Variants in TTC28 observed in about 807,000 individuals in gnomAD.
The protein encoded by TTC28 is tetratricopeptide repeat protein 28.
TTC28 carries 61 observed loss-of-function variants against 198.0 expected under a neutral mutation model. That is an observed-to-expected ratio of 0.31 (90% CI 0.25 to 0.38). The LOEUF is 0.38. Ranked by LOEUF, TTC28 falls within the 10% of genes least tolerant of loss-of-function variation. The pLI is 1.00. For missense variants in TTC28, 2,678 were observed against 3,164.0 expected, an observed-to-expected ratio of 0.85 and a Z score of 3.69; for synonymous variants, 1,171 against 1,297.8, an observed-to-expected ratio of 0.90 and a Z score of 2.10.
At chr22:28,371,918 T>TTTTATTATTATTATAC (rs1243180651) in intron 2 of TTC28, among the ~76,000 whole-genome samples, 1 of 151,356 alleles carries the variant, frequency 6.6e-6, no homozygotes, top group East Asian at 1.9e-4. Flanking sequence ...ATTTTTTTTA[T>TTTTATTATTATTATAC]TTTATTATTA....
intron 12 of TTC28, among the ~76,000 whole-genome samples, chr22:28,032,262 TATATAG>T (rs1569095052): frequency 4.3e-5 from 4 of 92,094 alleles, no homozygotes; most frequent in African/African-American, 2.0e-4. Flanking sequence ...TATATATATA[TATATAG>T]TGTGTGTGTG....
At chr22:28,484,407 C>T (rs2048291890) in intron 2 of TTC28, among the ~76,000 whole-genome samples, 1 of 152,144 alleles carries the variant, frequency 6.6e-6, no homozygotes, top group East Asian at 1.9e-4. Flanking sequence ...CCACCGCACC[C>T]AGCCCCCAAA....
At chr22:28,551,196 G>A (rs944116690) in intron 2 of TTC28, among the ~76,000 whole-genome samples, 3 of 151,974 alleles carry the variant, frequency 2.0e-5, no homozygotes, top group African/African-American at 4.8e-5. Flanking sequence ...ATAGAATCTC[G>A]GGACAGACCA....
intron 3 of TTC28, among the ~76,000 whole-genome samples, chr22:28,300,190 A>G (rs2044991360): frequency 6.6e-6 from 1 of 152,200 alleles, no homozygotes; most frequent in African/African-American, 2.4e-5. Context: ...CCCAGCTGCT[A>G]GGGAAAATGG....
chr22:27,988,596 G>A (rs1433499746), intron 21 of TTC28, among the ~76,000 whole-genome samples: 2 of 152,100 alleles, frequency 1.3e-5, no homozygotes, highest in Admixed American at 1.3e-4. Flanking sequence ...CAGGAAAGAA[G>A]CATTTTTAAG....
Position 27,995,250 on chromosome 22 carries a change from G to A in TTC28, c.5244+885C>T, listed in dbSNP as rs146883990. 9.9e-4 allele frequency among the ~76,000 whole-genome samples: 151 copies of A among 152,292 alleles called. 1 individual carries two copies. The highest frequency in any genetic ancestry group is 3.5e-3 in the African/African-American group (145 of 41,570). ...TCTTAACCATGGATGGAGCTAGGCT[G>A]TGCAGCAACCAGCCTGCAAGGAGGC... On this transcript the variant is annotated intron_variant, in intron 17 of 22. Coordinates refer to ENST00000397906, the MANE Select transcript of TTC28 (RefSeq NM_001145418.2).
chr22:28,262,440 T>A (rs1369326252), intron 5 of TTC28, among the ~76,000 whole-genome samples: 1 of 152,172 alleles, frequency 6.6e-6, no homozygotes, highest in African/African-American at 2.4e-5. Context: ...TAAAGTTACA[T>A]CTTTTAAAGC....
At chr22:28,237,617 T>C (rs1379740010) in intron 5 of TTC28, among the ~76,000 whole-genome samples, 1 of 152,236 alleles carries the variant, frequency 6.6e-6, no homozygotes, top group Non-Finnish European at 1.5e-5. Flanking sequence ...ACTGCTGTGT[T>C]ACCTAGTCAA....
intron 12 of TTC28, among the ~76,000 whole-genome samples, chr22:28,087,760 A>AC (rs1489249189): frequency 1.3e-5 from 2 of 152,008 alleles, no homozygotes; most frequent in African/African-American, 4.8e-5. Flanking sequence ...TATCTAGAAA[A>AC]CCCCACTGTC....
intron 9 of TTC28, among the ~76,000 whole-genome samples, chr22:28,099,942 T>G (rs906760984): frequency 2.0e-5 from 3 of 152,228 alleles, no homozygotes; most frequent in African/African-American, 7.2e-5. Flanking sequence ...CAAGGAGCCA[T>G]GCCCACTCAC....
intron 2 of TTC28, among the ~76,000 whole-genome samples, chr22:28,314,084 C>T (rs559922281): frequency 6.6e-6 from 1 of 152,012 alleles, no homozygotes. Context: ...AAACAGAGAG[C>T]CAAATCATGA....
intron 14 of TTC28, among the ~76,000 whole-genome samples, chr22:28,006,096 G>T (rs1254649237): frequency 6.6e-6 from 1 of 152,162 alleles, no homozygotes; most frequent in South Asian, 2.1e-4. Flanking sequence ...GGGGTCTGAG[G>T]GGAGGCCCTG....
chr22:28,324,754 C>G (rs1227596804), intron 2 of TTC28, among the ~76,000 whole-genome samples: 1 of 152,092 alleles, frequency 6.6e-6, no homozygotes. Flanking sequence ...ATAATAAGAG[C>G]TATTTATGAC....
At chr22:28,272,323 TC>T (rs1279017476) in intron 5 of TTC28, among the ~76,000 whole-genome samples, 2 of 152,196 alleles carry the variant, frequency 1.3e-5, no homozygotes, top group African/African-American at 4.8e-5. Flanking sequence ...GTTTATGACC[TC>T]GGGAAGTGAG....
intron 12 of TTC28, among the ~76,000 whole-genome samples, chr22:28,057,107 TAA>T: frequency 6.6e-6 from 1 of 152,212 alleles, no homozygotes; most frequent in Non-Finnish European, 1.5e-5. Flanking sequence ...GACATTTATG[TAA>T]AATTCTTTTT....
At chr22:28,526,298 C>G (rs187595118) in intron 2 of TTC28, among the ~76,000 whole-genome samples, 115 of 152,286 alleles carry the variant, frequency 7.6e-4, no homozygotes, top group African/African-American at 2.6e-3. Context: ...ACATCTTTCA[C>G]AGCTTTAAAT....
chr22:28,336,126 T>C (rs2045712722), intron 2 of TTC28, among the ~76,000 whole-genome samples: 1 of 152,214 alleles, frequency 6.6e-6, no homozygotes, highest in Non-Finnish European at 1.5e-5. Flanking sequence ...CTTCTGTTTA[T>C]ATGCTGGATT....
chr22:28,038,065 A>C (rs1003477772), intron 12 of TTC28, among the ~76,000 whole-genome samples: 11 of 152,360 alleles, frequency 7.2e-5, no homozygotes, highest in Middle Eastern at 3.4e-3. Flanking sequence ...GACAGGAAGA[A>C]TCAATATCGT....
At chr22:28,185,377 A>T (rs1430442427) in intron 5 of TTC28, among the ~76,000 whole-genome samples, 1 of 152,198 alleles carries the variant, frequency 6.6e-6, no homozygotes, top group East Asian at 1.9e-4. Context: ...AAATGATTAA[A>T]CAGGAGCTGC....
Sources: gnomAD v4.1 joint callset for allele counts (sites outside exome capture counted in the v4.1 genomes callset) on GRCh38, gnomAD v4.1.1 for gene constraint, MANE v1.5 for transcripts, NCBI Gene and HGNC (gene_info 2026-07-23, HGNC 2026-07-21) for gene names.